CENPP: variants seen among roughly 807,000 people sequenced by gnomAD.
The protein encoded by CENPP is centromere protein P.
In CENPP, 24 loss-of-function variants were observed where a neutral mutation model predicts 35.6. The ratio of observed to expected loss-of-function variants is 0.67; its 90% confidence interval spans 0.49 to 0.95. The LOEUF (loss-of-function observed/expected upper bound fraction) is 0.95, where lower values mean the gene tolerates loss of function less well. Ranked by LOEUF, CENPP falls within the 40% of genes least tolerant of loss-of-function variation. The probability of loss-of-function intolerance (pLI) is 0.00; values close to 1 mark genes in which losing one functional copy is unlikely to be tolerated. For missense variants in CENPP, 332 were observed against 345.3 expected (o/e 0.96, Z 0.31); for synonymous variants, 120 against 125.5 (o/e 0.96, Z 0.29).
chr9:92,552,518 T>C (rs1849638225), intron 5 of CENPP, among the ~76,000 whole-genome samples: 1 of 152,092 alleles, frequency 6.6e-6, no homozygotes, highest in Non-Finnish European at 1.5e-5. Flanking sequence ...TGTTTTTTGA[T>C]TTTTTTATTA....
At chr9:92,328,657 C>A (rs547363472) in intron 1 of CENPP, among the ~76,000 whole-genome samples, 2 of 152,250 alleles carry the variant, frequency 1.3e-5, no homozygotes, top group Admixed American at 6.5e-5. Flanking sequence ...AAAAAAAATT[C>A]TTGCAAGCTC....
chr9:92,455,490 A>T (rs927264581), intron 5 of CENPP, among the ~76,000 whole-genome samples: 13 of 152,134 alleles, frequency 8.5e-5, no homozygotes, highest in Non-Finnish European at 1.8e-4. Flanking sequence ...AAAGATGTAC[A>T]GGGCAGCCCC....
Position 92,457,406 on chromosome 9 carries a change from G to A in CENPP, c.564+77547G>A, listed in dbSNP as rs560931002. The A allele has an allele frequency of 5.6e-6, 9 of 1,613,744 alleles. No individual in the cohort carries two copies. The South Asian group carries it at 9.9e-5, about 18-fold the overall frequency. On this transcript the variant is annotated intron_variant, in intron 5 of 7. Coordinates refer to ENST00000375587, the MANE Select transcript of CENPP (RefSeq NM_001012267.3). ...GAATAAACTTATTGCACTGTATAAA[G>A]ATTTCTTCATCTTTGGCACTGTTGG...
intron 5 of CENPP, among the ~76,000 whole-genome samples, chr9:92,391,978 C>A (rs761746510): frequency 1.3e-5 from 2 of 151,132 alleles, no homozygotes; most frequent in Non-Finnish European, 2.9e-5. Flanking sequence ...TATGGTTAGT[C>A]TCATAAATGT....
rs1843601377 is a variant in CENPP at position 92,416,099 on chromosome 9, T to TA, written c.564+36240_564+36241insA. Among the ~76,000 whole-genome samples the TA allele has an allele frequency of 2.3e-5, 3 of 132,844 alleles. 1 individual carries two copies. Among genetic ancestry groups the TA allele is most frequent in the African/African-American group, 8.4e-5 (3 of 35,888 alleles). The allele number at this position is 132,844 out of a possible 152,430, so 87.2% of individuals were successfully genotyped here. A position where few individuals can be genotyped will look rare whatever the true frequency, so the allele number is the denominator to read the frequency against. ...ATTTATTTATTTATTTATTTATTTA[T>TA]TTTATTTTTTTTTTTTTTAAGACAG... On this transcript the variant is annotated intron_variant, in intron 5 of 7. Coordinates refer to ENST00000375587, the MANE Select transcript of CENPP (RefSeq NM_001012267.3).
chr9:92,401,206 T>G (rs769502539), intron 5 of CENPP: 132 of 1,053,894 alleles, frequency 1.3e-4, no homozygotes, highest in Non-Finnish European at 1.9e-4. Flanking sequence ...AATAAAAGTT[T>G]GTTACCTAGC....
At chr9:92,546,389 C>T (rs950247195) in intron 5 of CENPP, among the ~76,000 whole-genome samples, 5 of 152,186 alleles carry the variant, frequency 3.3e-5, no homozygotes, top group African/African-American at 1.2e-4. Flanking sequence ...AATCTTGCTG[C>T]TGCTCACTCT....
intron 5 of CENPP, among the ~76,000 whole-genome samples, chr9:92,540,732 C>T (rs923778372): frequency 6.6e-6 from 1 of 151,514 alleles, no homozygotes; most frequent in African/African-American, 2.4e-5. Context: ...GATCACACCA[C>T]TGCACTCTAG....
At chr9:92,360,267 T>TGTGG (rs1841711554) in intron 4 of CENPP, among the ~76,000 whole-genome samples, 1 of 152,244 alleles carries the variant, frequency 6.6e-6, no homozygotes, top group East Asian at 1.9e-4. Flanking sequence ...GTTATAGTCT[T>TGTGG]GTGGTCCTAT....
chr9:92,612,745 ATT>A, intron 7 of CENPP, 131 bp downstream of exon 7: 5 of 711,790 alleles, frequency 7.0e-6, no homozygotes, highest in Non-Finnish European at 9.6e-6. Flanking sequence ...TTGTCTATCA[ATT>A]TTTAAATATT....
intron 5 of CENPP, among the ~76,000 whole-genome samples, chr9:92,525,086 G>A (rs927680760): frequency 3.3e-5 from 5 of 152,100 alleles, no homozygotes; most frequent in South Asian, 2.1e-4. Context: ...CCGAAACCAA[G>A]GTGGGAGGAT....
At chr9:92,374,241 C>CTCTG (rs374872756) in intron 4 of CENPP, among the ~76,000 whole-genome samples, 30 of 142,852 alleles carry the variant, frequency 2.1e-4, no homozygotes, top group Admixed American at 4.2e-4. Flanking sequence ...TTGCTGTTTG[C>CTCTG]TGTGTGTGTG....
chr9:92,369,372 T>C (rs1841959085), intron 4 of CENPP, among the ~76,000 whole-genome samples: 1 of 152,154 alleles, frequency 6.6e-6, no homozygotes, highest in Non-Finnish European at 1.5e-5. Context: ...TAGTTAACTC[T>C]CTTGTATCTG....
chr9:92,380,202 G>A (rs1842212912), intron 5 of CENPP, among the ~76,000 whole-genome samples: 1 of 152,172 alleles, frequency 6.6e-6, no homozygotes, highest in African/African-American at 2.4e-5. Context: ...GTGGTATACT[G>A]CTAACTTCCT....
At chr9:92,393,389 C>T (rs556656135) in intron 5 of CENPP, 4 of 600,906 alleles carry the variant, frequency 6.7e-6, no homozygotes, top group African/African-American at 3.7e-5. Context: ...CATGGTAACT[C>T]GTTACCTATA....
intron 5 of CENPP, among the ~76,000 whole-genome samples, chr9:92,485,165 C>T (rs1157810955): frequency 6.6e-6 from 1 of 152,190 alleles, no homozygotes; most frequent in Non-Finnish European, 1.5e-5. Context: ...CACCCTTTTC[C>T]AGGTTATCAT....
chr9:92,525,405 A>G (rs1034912155), intron 5 of CENPP, among the ~76,000 whole-genome samples: 3 of 152,248 alleles, frequency 2.0e-5, no homozygotes, highest in African/African-American at 7.2e-5. Context: ...CAAAGAAAGT[A>G]CAGTCATGTA....
intron 5 of CENPP, chr9:92,474,774 C>G: frequency 6.2e-7 from 1 of 1,612,976 alleles, no homozygotes; most frequent in Non-Finnish European, 8.5e-7. Flanking sequence ...TCATCATCAT[C>G]ATCATCATCA....
intron 5 of CENPP, among the ~76,000 whole-genome samples, chr9:92,508,268 G>T (rs79337188): frequency 6.6e-6 from 1 of 152,322 alleles, no homozygotes; most frequent in South Asian, 2.1e-4. Flanking sequence ...TATCTGAGCC[G>T]GAGGACAGAA....
Sources: allele counts gnomAD v4.1 joint callset (sites outside exome capture counted in the v4.1 genomes callset), GRCh38; gene constraint gnomAD v4.1.1; transcripts MANE v1.5; gene names NCBI Gene and HGNC (gene_info 2026-07-23, HGNC 2026-07-21).